Variants in FOXN3 observed in about 807,000 individuals in gnomAD.
The protein encoded by FOXN3 is forkhead box protein N3.
Under a neutral mutation model 38.4 loss-of-function variants are expected in FOXN3, and 7 were observed. The observed-to-expected ratio is 0.18, with a 90% CI of 0.10 to 0.34. The LOEUF (loss-of-function observed/expected upper bound fraction) is 0.34, where lower values mean the gene tolerates loss of function less well. FOXN3 is among the 10% of genes least tolerant of loss of function. The pLI, the probability that FOXN3 is intolerant of heterozygous loss-of-function variation, is 1.00. For synonymous variants in FOXN3, 230 were observed against 242.2 expected, an observed-to-expected ratio of 0.95 and a Z score of 0.47; for missense variants, 456 against 613.4, an observed-to-expected ratio of 0.74 and a Z score of 2.71.
rs1331799598 is a variant in FOXN3 at position 89,548,055 on chromosome 14, G to GCAT, written c.-15+70970_-15+70972dup. On this transcript the variant is annotated intron_variant, in intron 1 of 6. Transcript: ENST00000345097. This position sits in a 1 kb window ranked among gnomAD's most constrained non-coding sequence, Gnocchi z 4.8. ...AAATACTTTCTCTTGTTCAAAGACA[G>GCAT]CATTCAACACTGGACACACCTCTGT... Among the ~76,000 whole-genome samples, 1 of 152,170 alleles carries GCAT rather than the reference G, an allele frequency of 6.6e-6. No homozygotes were observed. Among genetic ancestry groups the GCAT allele is most frequent in the Non-Finnish European group, 1.5e-5 (1 of 68,028 alleles).
At chr14:89,506,282 G>C (rs369913424) in intron 1 of FOXN3, among the ~76,000 whole-genome samples, 637 of 41,792 alleles carry the variant, frequency 0.015, 38 homozygotes, top group Middle Eastern at 0.077. Context: ...AGGTGGGGGG[G>C]TCAGCCCCCC....
intron 3 of FOXN3, among the ~76,000 whole-genome samples, chr14:89,319,022 G>A (rs761511730): frequency 3.9e-4 from 60 of 152,230 alleles, no homozygotes; most frequent in African/African-American, 1.4e-3. Flanking sequence ...GCCACCAGGG[G>A]CCTGGGCCCA....
intron 4 of FOXN3, among the ~76,000 whole-genome samples, chr14:89,217,882 A>C (rs142720323): frequency 2.6e-5 from 4 of 152,282 alleles, no homozygotes; most frequent in African/African-American, 9.6e-5. Context: ...CTGGCTCGCT[A>C]TGCTGGTGGC....
At chr14:89,215,336 GGAGAA>G (rs1454389771) in intron 4 of FOXN3, among the ~76,000 whole-genome samples, 1 of 128,832 alleles carries the variant, frequency 7.8e-6, no homozygotes, top group Admixed American at 8.6e-5. Context: ...TTCAGAGTTA[GGAGAA>G]TAGAGATTTT....
At chr14:89,576,030 G>T (rs1029862924) in intron 1 of FOXN3, among the ~76,000 whole-genome samples, 1 of 152,132 alleles carries the variant, frequency 6.6e-6, no homozygotes, top group East Asian at 1.9e-4. Flanking sequence ...CGCTGACATC[G>T]TAAGTGACTT....
intron 3 of FOXN3, among the ~76,000 whole-genome samples, chr14:89,286,206 G>A (rs1886625060): frequency 6.6e-6 from 1 of 152,048 alleles, no homozygotes; most frequent in South Asian, 2.1e-4. Context: ...GAAGAAGGGA[G>A]GGGGAGGAAG....
chr14:89,429,879 C>T (rs1405900641), intron 1 of FOXN3, among the ~76,000 whole-genome samples: 2 of 152,228 alleles, frequency 1.3e-5, no homozygotes, highest in African/African-American at 2.4e-5. Flanking sequence ...ACACAGACAT[C>T]GCTGGCCTTC....
intron 4 of FOXN3, among the ~76,000 whole-genome samples, chr14:89,246,631 C>T (rs997558257): frequency 6.8e-6 from 1 of 147,338 alleles, no homozygotes; most frequent in Non-Finnish European, 1.5e-5. Flanking sequence ...CCTCTGCCTC[C>T]TGGGTTCAAG....
At chr14:89,462,834 G>A (rs1395478407) in intron 1 of FOXN3, among the ~76,000 whole-genome samples, 18 of 151,596 alleles carry the variant, frequency 1.2e-4, no homozygotes, top group Middle Eastern at 3.4e-3. Context: ...ACAGGCGCCC[G>A]CCACCACGCC....
chr14:89,354,157 G>A (rs1889095533), intron 2 of FOXN3, among the ~76,000 whole-genome samples: 1 of 152,106 alleles, frequency 6.6e-6, no homozygotes, highest in Non-Finnish European at 1.5e-5. Context: ...TTGAGAGTTG[G>A]AGCTTTCTTA....
Position 89,550,556 on chromosome 14 carries a change from G to A in FOXN3, c.-15+68472C>T, listed in dbSNP as rs114374295. On this transcript the variant is annotated intron_variant, in intron 1 of 6. Coordinates refer to the FOXN3 transcript ENST00000345097. Reference sequence around the variant, plus strand: ...CGCCCAGGGATAAAACTGAAAAAGAGAGACAGATGCCCTTGACAAACAGCA... The same window carrying A: ...CGCCCAGGGATAAAACTGAAAAAGAAAGACAGATGCCCTTGACAAACAGCA... Among the ~76,000 whole-genome samples, 764 of 152,288 alleles carry A rather than the reference G, an allele frequency of 5.0e-3. 6 individuals carry two copies. The highest frequency in any genetic ancestry group is 0.017 in the African/African-American group (721 of 41,560).
chr14:89,332,487 A>G (rs1888280921), intron 3 of FOXN3, among the ~76,000 whole-genome samples: 1 of 152,046 alleles, frequency 6.6e-6, no homozygotes, highest in African/African-American at 2.4e-5. Flanking sequence ...CTGATGCTTC[A>G]CTCCTTGTCC....
At chr14:89,586,027 A>C (rs1264522009) in intron 1 of FOXN3, among the ~76,000 whole-genome samples, 1 of 152,136 alleles carries the variant, frequency 6.6e-6, no homozygotes, top group Non-Finnish European at 1.5e-5. Flanking sequence ...CTACGTATGT[A>C]TGTGAAGTAG....
chr14:89,397,294 G>A (rs531315956), intron 2 of FOXN3, among the ~76,000 whole-genome samples: 1 of 152,110 alleles, frequency 6.6e-6, no homozygotes, highest in South Asian at 2.1e-4. Flanking sequence ...GAGGGTGGAG[G>A]GTGGGAGGAG....
intron 1 of FOXN3, among the ~76,000 whole-genome samples, chr14:89,498,258 C>T (rs1278931861): frequency 7.4e-6 from 1 of 135,494 alleles, no homozygotes; most frequent in Non-Finnish European, 1.5e-5. Flanking sequence ...GCTCTATAGC[C>T]CAGGCTGGAG....
chr14:89,307,351 ACTGT>A (rs1391362939), intron 3 of FOXN3, among the ~76,000 whole-genome samples: 3 of 151,926 alleles, frequency 2.0e-5, no homozygotes, highest in African/African-American at 4.8e-5. Flanking sequence ...CACTCATCAG[ACTGT>A]CTATGTAAAT....
At chr14:89,504,061 G>C (rs547396913) in intron 1 of FOXN3, among the ~76,000 whole-genome samples, 1 of 152,184 alleles carries the variant, frequency 6.6e-6, no homozygotes, top group African/African-American at 2.4e-5. Context: ...TAGGAAGGAA[G>C]GTGCCCCCAT....
intron 3 of FOXN3, among the ~76,000 whole-genome samples, chr14:89,323,301 A>AAAGAAAG (rs1887947002): frequency 2.1e-5 from 3 of 142,928 alleles, no homozygotes; most frequent in African/African-American, 7.9e-5. Flanking sequence ...AAAAAAAAAA[A>AAAGAAAG]AAAGAAAGAA....
At chr14:89,444,676 C>A (rs1422096276) in intron 1 of FOXN3, among the ~76,000 whole-genome samples, 2 of 152,158 alleles carry the variant, frequency 1.3e-5, no homozygotes, top group African/African-American at 4.8e-5. Context: ...TTTGCCCTTC[C>A]TAAGTCTCTA....
Sources: gnomAD v4.1 joint callset for allele counts (sites outside exome capture counted in the v4.1 genomes callset) on GRCh38, gnomAD v4.1.1 for gene constraint, Gnocchi (gnomAD v3.1) non-coding constraint, MANE v1.5 for transcripts, NCBI Gene and HGNC (gene_info 2026-07-23, HGNC 2026-07-21) for gene names.